The following C4orf51 variants were observed in gnomAD, a reference collection of about 807,000 sequenced individuals.
C4orf51 encodes chromosome 4 open reading frame 51.
A neutral mutation model predicts 25.2 loss-of-function variants in C4orf51; 25 were observed. The observed-to-expected ratio is 0.99, with a 90% CI of 0.72 to 1.39. The LOEUF (loss-of-function observed/expected upper bound fraction) is 1.39, where lower values mean the gene tolerates loss of function less well. Among genes scored for constraint, C4orf51 ranks in the 40% most tolerant of loss-of-function variants. C4orf51 has a pLI of 0.00. For missense variants in C4orf51, 252 were observed against 239.6 expected (o/e 1.05, Z -0.34); for synonymous variants, 100 against 84.5 (o/e 1.18, Z -1.01).
rs1233793032 is a variant in C4orf51, at chr4:145,765,854, T to G, written n.167-5134T>G. The G allele has an allele frequency of 9.5e-7, 1 of 1,057,746 alleles. No homozygotes were observed. Among genetic ancestry groups the G allele is most frequent in the Non-Finnish European group, 1.3e-6 (1 of 747,746 alleles). The allele number at this position is 1,057,746 out of a possible 1,614,324, so 65.5% of individuals were successfully genotyped here. ...GCATCATCATTCTGGGGGCACAGGCTCATGTCCCCAGCTCCCCCACTGCTG... is the reference window on the plus strand; with the variant it reads ...GCATCATCATTCTGGGGGCACAGGCGCATGTCCCCAGCTCCCCCACTGCTG... On this transcript the variant is annotated intron_variant and non_coding_transcript_variant, in intron 1 of 1. Coordinates refer to the C4orf51 transcript ENST00000510096. This position sits in a 1 kb window ranked among gnomAD's most constrained non-coding sequence, Gnocchi z 4.7.
chr4:145,791,764 C>T, the C4orf51 span, among the ~76,000 whole-genome samples: 8 of 152,264 alleles, frequency 5.3e-5, no homozygotes, highest in African/African-American at 1.9e-4. Context: ...ACAGGTTTTA[C>T]TTATATAATT....
intron 1 of C4orf51, among the ~76,000 whole-genome samples, chr4:145,748,031 C>T (rs1429669540): frequency 6.6e-6 from 1 of 151,896 alleles, no homozygotes; most frequent in Non-Finnish European, 1.5e-5. Flanking sequence ...TTTTTATTAC[C>T]ACTTTGATCT....
chr4:145,696,255 C>T (rs1314647197), intron 1 of C4orf51, among the ~76,000 whole-genome samples: 1 of 151,834 alleles, frequency 6.6e-6, no homozygotes, highest in East Asian at 1.9e-4. Flanking sequence ...AGTGAGTCTC[C>T]GTCTCAAAAA....
chr4:145,728,244 C>T (rs945966708), intron 3 of C4orf51, among the ~76,000 whole-genome samples: 2 of 151,566 alleles, frequency 1.3e-5, no homozygotes, highest in African/African-American at 4.8e-5. Context: ...ACTGCCTTCC[C>T]AAAAACTGGC....
At chr4:145,711,049 G>T (rs1364602480) in intron 2 of C4orf51, among the ~76,000 whole-genome samples, 1 of 152,134 alleles carries the variant, frequency 6.6e-6, no homozygotes, top group Non-Finnish European at 1.5e-5. Flanking sequence ...CAGAATGCAT[G>T]CATATCAAAA....
chr4:145,737,973 T>G (rs1732891986), intron 1 of C4orf51, among the ~76,000 whole-genome samples: 2 of 152,128 alleles, frequency 1.3e-5, no homozygotes, highest in Admixed American at 1.3e-4. Context: ...TATAGTAAAA[T>G]GCTGAGGAAG....
At chr4:145,789,571 C>T in the C4orf51 span, among the ~76,000 whole-genome samples, 1 of 152,148 alleles carries the variant, frequency 6.6e-6, no homozygotes, top group African/African-American at 2.4e-5. Flanking sequence ...AAAACAAAAG[C>T]AAAAACAGTA....
chr4:145,742,532 G>GTTTTTTTTTTTTTTTTTT (rs141147414), intron 1 of C4orf51, among the ~76,000 whole-genome samples: 1 of 105,010 alleles, frequency 9.5e-6, no homozygotes, highest in Non-Finnish European at 1.9e-5. Context: ...TCTTTTTCTT[G>GTTTTTTTTTTTTTTTTTT]TTTTTTTTTT....
chr4:145,764,888 T>A (rs1735048276), intron 1 of C4orf51: 1 of 1,556,530 alleles, frequency 6.4e-7, no homozygotes, highest in African/African-American at 1.4e-5. Flanking sequence ...GCTCCCCTTC[T>A]CCATGACTCC....
intron 1 of C4orf51, 85 bp from the exon 2 acceptor site, chr4:145,696,474 A>G: frequency 9.0e-7 from 1 of 1,115,756 alleles, no homozygotes. Flanking sequence ...AAAAAGATGA[A>G]TGGAAATCCC....
chr4:145,697,284 G>A (rs1488233262), intron 2 of C4orf51, among the ~76,000 whole-genome samples: 1 of 151,964 alleles, frequency 6.6e-6, no homozygotes, highest in Non-Finnish European at 1.5e-5. Context: ...GTTTTTAGAA[G>A]AGATGGGATT....
chr4:145,729,352 C>T (rs529923632), intron 4 of C4orf51, 123 bp downstream of exon 4: 20 of 560,988 alleles, frequency 3.6e-5, no homozygotes, highest in Non-Finnish European at 5.0e-5. Context: ...CCCAGGCTGA[C>T]GTGCAGTGGC....
downstream of C4orf51, among the ~76,000 whole-genome samples, chr4:145,737,654 T>C (rs1732875741): frequency 6.6e-6 from 1 of 152,224 alleles, no homozygotes. Flanking sequence ...TGGCTTGTTA[T>C]AGAACTCTAA....
downstream of C4orf51, among the ~76,000 whole-genome samples, chr4:145,734,986 G>C (rs565823974): frequency 6.6e-6 from 1 of 152,206 alleles, no homozygotes; most frequent in Non-Finnish European, 1.5e-5. Flanking sequence ...TGGAGGGGAA[G>C]AGAGCCCAGG....
intron 1 of C4orf51, among the ~76,000 whole-genome samples, chr4:145,690,183 G>A (rs116158533): frequency 0.016 from 2,355 of 149,120 alleles, 57 homozygotes; most frequent in African/African-American, 0.055. Context: ...CTCCAGCTTG[G>A]GCAACAAGAG....
intron 2 of C4orf51, among the ~76,000 whole-genome samples, chr4:145,714,879 A>G (rs1731320101): frequency 6.6e-6 from 1 of 151,968 alleles, no homozygotes; most frequent in Admixed American, 6.5e-5. Flanking sequence ...CGCCCATTCC[A>G]CCCCTCTTGC....
chr4:145,729,919 A>C lies in C4orf51; in HGVS notation c.455A>C (p.Glu152Ala). ...GTGAGACCTAAAAAGCCAGCACAGG[A>C]GGCCCTGATAAACTACAGTCGACGA... is the stretch of plus-strand genomic sequence containing the variant. ...YCVRPKKPAQ[E>A]ALINYSRRGK... Residue 152 changes from glutamate (E) to alanine (A), a missense_variant, in exon 5 of 6, where the codon GAG (glutamate) becomes GCG (alanine). Physicochemically the swap from Glu to Ala is moderately radical, Grantham distance 107. Transcript: ENST00000438731. 1 of 1,613,936 alleles carries C rather than the reference A, an allele frequency of 6.2e-7. No individual in the cohort carries two copies. Among genetic ancestry groups the C allele is most frequent in the Non-Finnish European group, 8.5e-7 (1 of 1,179,820 alleles).
At chr4:145,773,227 C>A (rs1178777334), downstream of C4orf51, among the ~76,000 whole-genome samples, 2 of 152,234 alleles carry the variant, frequency 1.3e-5, no homozygotes, top group African/African-American at 4.8e-5. Context: ...TCCCAGCTCA[C>A]CTGCTGCCCA....
At chr4:145,739,338 C>T (rs185006114) in intron 1 of C4orf51, among the ~76,000 whole-genome samples, 46 of 152,320 alleles carry the variant, frequency 3.0e-4, no homozygotes, top group Non-Finnish European at 5.7e-4. Context: ...CGAAGCTCTG[C>T]TTACCTCCCC....
Sources: allele counts gnomAD v4.1 joint callset (sites outside exome capture counted in the v4.1 genomes callset), GRCh38; gene constraint gnomAD v4.1.1; non-coding constraint Gnocchi (gnomAD v3.1); transcripts MANE v1.5; gene names NCBI Gene and HGNC (gene_info 2026-07-23, HGNC 2026-07-21).